Variants in ITGA10 observed in about 807,000 individuals in gnomAD.
The protein encoded by ITGA10 is integrin subunit alpha 10, also known as integrin alpha-10.
In ITGA10, 105 loss-of-function variants were observed where a neutral mutation model predicts 145.2. The observed-to-expected ratio is 0.72, with a 90% CI of 0.62 to 0.85. ITGA10 has a LOEUF of 0.85. Ranked by LOEUF, ITGA10 falls within the 40% of genes least tolerant of loss-of-function variation. The pLI is 0.00. For synonymous variants in ITGA10, 506 were observed against 557.8 expected (o/e 0.91, Z 1.31); for missense variants, 1,317 against 1,444.5 (o/e 0.91, Z 1.43).
Position 145,892,768 on chromosome 1 carries a change from G to A in ITGA10, c.*30C>T. On this transcript the variant is annotated 3_prime_UTR_variant, in exon 30 of 30. Transcript: ENST00000369304. ...TGCAAGTCTCTTGAAGAAGCTGCCA[G>A]GGAGGACTTTCTAGACCCTTATTCT... The A allele has an allele frequency of 6.4e-7, 1 of 1,551,972 alleles. No homozygotes were observed. Among genetic ancestry groups the A allele is most frequent in the Non-Finnish European group, 8.9e-7 (1 of 1,123,942 alleles).
At chr1:145,906,664 C>A in intron 4 of ITGA10, 69 bp downstream of exon 4, 1 of 1,397,536 alleles carries the variant, frequency 7.2e-7, no homozygotes, top group Non-Finnish European at 1.0e-6. Context: ...ACCATTTTCC[C>A]TTACCACACT....
chr1:145,892,947 A>G, intron 29 of ITGA10, 84 bp from the exon 30 acceptor site: 2 of 1,105,912 alleles, frequency 1.8e-6, no homozygotes, highest in Non-Finnish European at 2.7e-6. Context: ...TGAGGTCTTC[A>G]CTTTTGTTCT....
intron 1 of ITGA10, among the ~76,000 whole-genome samples, chr1:145,909,318 T>A (rs1470843788): frequency 6.6e-6 from 1 of 150,532 alleles, no homozygotes; most frequent in Non-Finnish European, 1.5e-5. Flanking sequence ...AAATTAGCTG[T>A]GCGTGGTGGC....
chr1:145,898,073 G>A (rs782575641), intron 18 of ITGA10, 37 bp downstream of exon 18: 16 of 1,463,056 alleles, frequency 1.1e-5, no homozygotes, highest in East Asian at 9.1e-5. Flanking sequence ...AAGGAGGGCA[G>A]TGTTGGGAGC....
rs782640922 is a variant in ITGA10 at position 145,895,710 on chromosome 1, G to T, written c.3035C>A (p.Ala1012Glu). 27 of 1,614,076 alleles carry T rather than the reference G, an allele frequency of 1.7e-5. No homozygotes were observed. Among genetic ancestry groups the T allele is most frequent in the Non-Finnish European group, 2.2e-5 (26 of 1,180,020 alleles). The part of the protein sequence containing the change: ...LSLSQVITNN[A>E]SCIVQNLTEP... ...AGTCAGGTTCTGCACTATGCAGCTTGCCTAGAGGAAGATCCAACTTGAAAG... is the reference window on the plus strand; with the variant it reads ...AGTCAGGTTCTGCACTATGCAGCTTTCCTAGAGGAAGATCCAACTTGAAAG... The change falls in exon 26 of 30, where the codon GCA (alanine) becomes GAA (glutamate). Residue 1012 changes from alanine to glutamate, a missense_variant and splice_region_variant. By Grantham distance (107) the Ala-to-Glu change is moderately radical. Coordinates refer to ENST00000369304, the MANE Select transcript of ITGA10 (RefSeq NM_003637.5).
intron 24 of ITGA10, 57 bp downstream of exon 24, chr1:145,896,211 C>T (rs1655374006): frequency 1.3e-6 from 2 of 1,515,092 alleles, no homozygotes; most frequent in Non-Finnish European, 1.8e-6. Flanking sequence ...ATCCTTTTCC[C>T]ACAAAGCTGT....
intron 7 of ITGA10, among the ~76,000 whole-genome samples, 160 bp downstream of exon 7, chr1:145,903,892 T>G (rs1570898638): frequency 1.3e-5 from 2 of 151,956 alleles, no homozygotes; most frequent in East Asian, 3.9e-4. Context: ...TTTCTCCATG[T>G]TGGTCAGGCT....
intron 22 of ITGA10, 50 bp downstream of exon 22, chr1:145,896,961 C>G: frequency 6.4e-7 from 1 of 1,566,074 alleles, no homozygotes; most frequent in Non-Finnish European, 8.8e-7. Context: ...CCCCTCCAGT[C>G]AAGACTCAGT....
Position 145,892,169 on chromosome 1 carries a change from CA to C in ITGA10, c.*628del, listed in dbSNP as rs1377255075. 1.3e-5 allele frequency: 2 copies of C among 152,796 alleles called. No homozygotes were observed. Among genetic ancestry groups the C allele is most frequent in the South Asian group, 2.1e-4 (1 of 4,834 alleles). The allele number at this position is 152,796 out of a possible 1,614,324, so 9.5% of individuals were successfully genotyped here. On this transcript the variant is annotated 3_prime_UTR_variant, in exon 30 of 30. Coordinates refer to ENST00000369304, the MANE Select transcript of ITGA10 (RefSeq NM_003637.5). ...CGAGTGCACTACAGGTCTCAGGTTT[CA>C]GGGGGGATGGCAGTTGCCTGTCTAA...
chr1:145,898,182 G>A lies in ITGA10; in HGVS notation c.2274C>T (p.Thr758=). ...DYLRPVALTV[T]FALDNTTKPG... ...GCTTTGTAGTATTGTCCAAGGCAAA[G>A]GTCACAGTCAAGGCCACTGGCCGGA... Residue 758 remains threonine, a synonymous_variant, in exon 18 of 30, where the codon ACC becomes ACT. Transcript: ENST00000369304. The A allele has an allele frequency of 6.2e-7, 1 of 1,614,068 alleles. No individual in the cohort carries two copies. The highest frequency in any genetic ancestry group is 8.5e-7 in the Non-Finnish European group (1 of 1,179,978).
In ITGA10 at chr1:145,901,455, T is replaced by C. The variant is rs1656303737; in HGVS notation, c.1443+61A>G. 6.6e-7 allele frequency: 1 copy of C among 1,515,560 alleles called. No individual in the cohort carries two copies. The highest frequency in any genetic ancestry group is 8.8e-7 in the Non-Finnish European group (1 of 1,130,996). 93.9% of individuals were successfully genotyped at this position (1,515,560 alleles called of 1,614,324 possible). A position where few individuals can be genotyped will look rare whatever the true frequency, so the allele number is the denominator to read the frequency against. On this transcript the variant is annotated intron_variant, in intron 12 of 29. Coordinates refer to ENST00000369304, the MANE Select transcript of ITGA10 (RefSeq NM_003637.5). This position sits in a 1 kb window ranked among gnomAD's most constrained non-coding sequence, Gnocchi z 4.3. ...CTCTCTCTTACCCACTTCACACTCC[T>C]CCCCAACAGCCCAGAGGTCCCTGGG...
At position 145,899,193 on chromosome 1, in the gene ITGA10, G is replaced by C; in HGVS notation, c.2071C>G (p.Arg691Gly). ...CFQVTSRTPGRWDHQFYMRFT... is the reference protein window; with the variant it reads ...CFQVTSRTPGGWDHQFYMRFT... ...CACTCACAGAATTGGTGATCCCAGC[G>C]ACCAGGAGTACGGGAGGTCACTTGG... The change falls in exon 16 of 30, where the codon CGC becomes GGC. Residue 691 changes from arginine (R) to glycine (G), a missense_variant. Arg to Gly is a moderately radical substitution (Grantham distance 125). Transcript: ENST00000369304. 6.2e-7 allele frequency: 1 copy of C among 1,614,212 alleles called. No individual in the cohort carries two copies. The highest frequency in any genetic ancestry group is 1.6e-4 in the Middle Eastern group (1 of 6,062).
At chr1:145,904,251 G>A in intron 6 of ITGA10, 51 bp from the exon 7 acceptor site, 1 of 1,571,620 alleles carries the variant, frequency 6.4e-7, no homozygotes, top group Non-Finnish European at 8.8e-7. Context: ...GATGGGGGGA[G>A]AGGAGGAAGA....
chr1:145,904,039 C>T lies in ITGA10; in HGVS notation c.758+13G>A, dbSNP rs1656753421. 1 of 1,613,588 alleles carries T rather than the reference C, an allele frequency of 6.2e-7. No individual in the cohort carries two copies. The highest frequency in any genetic ancestry group is 8.5e-7 in the Non-Finnish European group (1 of 1,179,862). On this transcript the variant is annotated intron_variant, in intron 7 of 29. Transcript: ENST00000369304. The stretch of plus-strand genomic sequence containing the variant: ...TGCTCTAGCCTCCCACACCTGTCTT[C>T]CCAATGCCTCACCAGGCCACCATTA...
rs1656445997 is a variant in ITGA10, at chr1:145,902,254, G to A, written c.1141C>T (p.Arg381Trp). 8 of 1,614,014 alleles carry A rather than the reference G, an allele frequency of 5.0e-6. No homozygotes were observed. Among genetic ancestry groups the A allele is most frequent in the South Asian group, 1.1e-5 (1 of 91,068 alleles). Residue 381 changes from arginine (R) to tryptophan (W), a missense_variant, in exon 10 of 30, where the codon CGG becomes TGG. Physicochemically the swap from Arg to Trp is moderately radical, Grantham distance 101 (BLOSUM62 -3). Coordinates refer to ENST00000369304, the MANE Select transcript of ITGA10 (RefSeq NM_003637.5). ...GGGTCAATCTGTCCAACCTTTAGCC[G>A]ATGAGTGGAGAAACCAATCTGAGAC... ...EMSQIGFSTH[R>W]LKDGILFGMV...
Position 145,901,392 on chromosome 1 carries a change from G to T in ITGA10, c.1444-114C>A. 6.7e-7 allele frequency: 1 copy of T among 1,494,120 alleles called. No individual in the cohort carries two copies. Among genetic ancestry groups the T allele is most frequent in the Non-Finnish European group, 9.1e-7 (1 of 1,104,482 alleles). 92.6% of individuals were successfully genotyped at this position (1,494,120 alleles called of 1,614,324 possible). A position where few individuals can be genotyped will look rare whatever the true frequency, so the allele number is the denominator to read the frequency against. ...TAGTCTGCTCCTTACATCCCTGACA[G>T]ACTCTGCCAACCAGAATTCCGCACA... On this transcript the variant is annotated intron_variant, in intron 12 of 29. Transcript: ENST00000369304. The surrounding 1 kb of genome is among the most constrained non-coding windows in gnomAD (Gnocchi z 4.3).
chr1:145,902,018 C>T lies in ITGA10; in HGVS notation c.1153G>A (p.Gly385Arg), dbSNP rs1446305231. Residue 385 changes from glycine to arginine, a missense_variant, in exon 11 of 30, where the codon GGG becomes AGG. Transcript: ENST00000369304. ...IGFSTHRLKD[G>R]ILFGMVGAYD... ...GCCCCCACCATCCCAAAAAGAATCC[C>T]ATCCTGTGGGACAGAAGCAGATGGG... The T allele has an allele frequency of 1.2e-6, 2 of 1,614,098 alleles. No homozygotes were observed. Among genetic ancestry groups the T allele is most frequent in the Non-Finnish European group, 1.7e-6 (2 of 1,180,010 alleles).
chr1:145,892,895 A>G, intron 29 of ITGA10, 32 bp from the exon 30 acceptor site: 1 of 1,573,846 alleles, frequency 6.4e-7, no homozygotes, highest in East Asian at 2.2e-5. Flanking sequence ...TCACTGCCAA[A>G]TGCCTAGACT....
Position 145,907,070 on chromosome 1 carries a change from T to C in ITGA10, c.245A>G (p.His82Arg), listed in dbSNP as rs369675827. 6.4e-7 allele frequency: 1 copy of C among 1,561,268 alleles called. No individual in the cohort carries two copies. The highest frequency in any genetic ancestry group is 1.2e-5 in the South Asian group (1 of 84,694). The change falls in exon 3 of 30, where the codon CAC becomes CGC. Residue 82 changes from histidine to arginine, a missense_variant. Transcript: ENST00000369304. The stretch of plus-strand genomic sequence containing the variant: ...GTGGCCCTTGGCACATGGGGCATTG[T>C]GGGCCCCCCCTACAGGGCAGCGATA... ...DVYRCPVGGA[H>R]NAPCAKGHLG...
Sources: gnomAD v4.1 joint callset for allele counts (sites outside exome capture counted in the v4.1 genomes callset) on GRCh38, gnomAD v4.1.1 for gene constraint, Gnocchi (gnomAD v3.1) non-coding constraint, MANE v1.5 for transcripts, NCBI Gene and HGNC (gene_info 2026-07-23, HGNC 2026-07-21) for gene names.